SEC22C: variants seen among roughly 807,000 people sequenced by gnomAD.
SEC22C encodes the protein SEC22 homolog C, vesicle trafficking protein, also known as vesicle-trafficking protein SEC22c.
A neutral mutation model predicts 34.7 loss-of-function variants in SEC22C; 29 were observed. The observed-to-expected ratio is 0.84, with a 90% confidence interval of 0.62 to 1.14. The LOEUF (loss-of-function observed/expected upper bound fraction) is 1.14. Among genes scored for constraint, SEC22C ranks in the 50% most tolerant of loss-of-function variants. The pLI, the probability that SEC22C is intolerant of heterozygous loss-of-function variation, is 0.00. For synonymous variants in SEC22C, 117 were observed against 132.8 expected (o/e 0.88, Z 0.82); for missense variants, 337 against 369.0 (o/e 0.91, Z 0.71).
At position 42,598,937 on chromosome 3, in the gene SEC22C, CTAGATATCTGTAGATCTATAGATCTA is replaced by C. The variant is rs548206736; in HGVS notation, c.-28+1997_-28+2022del. On this transcript the variant is annotated intron_variant, in intron 1 of 6. Transcript: ENST00000417572. The stretch of plus-strand genomic sequence containing the variant: ...TATATATCTATAGATCTATAGATAT[CTAGATATCTGTAGATCTATAGATCTA>C]TAGATAGATTTTTTTTGTTTGAGAC... Among the ~76,000 whole-genome samples the C allele has an allele frequency of 2.9e-3, 426 of 145,798 alleles. 6 individuals carry two copies. The highest frequency in any genetic ancestry group is 0.01 in the African/African-American group (402 of 38,912).
rs1395372683 is a variant in SEC22C at position 42,558,728 on chromosome 3, G to T, written c.527-1032C>A. 4.6e-5 allele frequency among the ~76,000 whole-genome samples: 7 copies of T among 152,200 alleles called. No homozygotes were observed. In the East Asian group the frequency reaches 9.7e-4, roughly 21 times the overall value. Reference sequence around the variant, plus strand: ...GATAGCTTGAGCCCTGGAGGTGGAGGTTGCAGTAAGCCAAGATTGCACCAT... The same window carrying T: ...GATAGCTTGAGCCCTGGAGGTGGAGTTTGCAGTAAGCCAAGATTGCACCAT... On this transcript the variant is annotated intron_variant, in intron 4 of 6. Coordinates refer to ENST00000264454, the MANE Select transcript of SEC22C (RefSeq NM_032970.4).
chr3:42,567,673 G>A (rs1703334099), intron 2 of SEC22C, among the ~76,000 whole-genome samples: 1 of 152,094 alleles, frequency 6.6e-6, no homozygotes, highest in Non-Finnish European at 1.5e-5. Context: ...CTGTATTATA[G>A]TTAGTTATAT....
chr3:42,590,882 C>G (rs1278524440), intron 1 of SEC22C: 9 of 1,584,724 alleles, frequency 5.7e-6, no homozygotes, highest in African/African-American at 2.7e-5. Context: ...GGTCGTGGTT[C>G]CGGAGGTTCC....
At chr3:42,553,918 G>A (rs775850736) in intron 6 of SEC22C, among the ~76,000 whole-genome samples, 10 of 152,084 alleles carry the variant, frequency 6.6e-5, no homozygotes, top group Non-Finnish European at 1.3e-4. Context: ...CGACTACATT[G>A]AGCACCACTC....
At chr3:42,590,810 C>T in intron 1 of SEC22C, 4 of 1,349,712 alleles carry the variant, frequency 3.0e-6, no homozygotes, top group Admixed American at 3.4e-5. Flanking sequence ...GCCCTGTAGG[C>T]GGGAGCATCC....
intron 1 of SEC22C, among the ~76,000 whole-genome samples, chr3:42,599,611 G>C (rs1408615385): frequency 1.3e-5 from 2 of 150,554 alleles, no homozygotes; most frequent in African/African-American, 4.9e-5. Flanking sequence ...AGAATGGCGT[G>C]AACCCGGGAG....
At chr3:42,578,592 C>T (rs901841491) in intron 1 of SEC22C, among the ~76,000 whole-genome samples, 4 of 151,604 alleles carry the variant, frequency 2.6e-5, no homozygotes, top group African/African-American at 4.9e-5. Flanking sequence ...CATCAATTTC[C>T]TGGAGTTGCT....
chr3:42,554,196 A>G (rs1276776064), intron 6 of SEC22C, among the ~76,000 whole-genome samples: 1 of 152,172 alleles, frequency 6.6e-6, no homozygotes, highest in African/African-American at 2.4e-5. Flanking sequence ...ACACAGTTGA[A>G]GGAATGAGGT....
At chr3:42,577,708 G>A (rs1468333854) in intron 1 of SEC22C, among the ~76,000 whole-genome samples, 1 of 152,184 alleles carries the variant, frequency 6.6e-6, no homozygotes, top group Non-Finnish European at 1.5e-5. Context: ...AGTGGCTCAT[G>A]CCTGTAATCC....
At chr3:42,565,288 G>C (rs947778699) in intron 2 of SEC22C, among the ~76,000 whole-genome samples, 1 of 152,114 alleles carries the variant, frequency 6.6e-6, no homozygotes, top group Admixed American at 6.5e-5. Flanking sequence ...CAGCAGGACG[G>C]TTTTTAGGTT....
intron 3 of SEC22C, 24 bp from the exon 4 acceptor site, chr3:42,561,320 T>C (rs760899037): frequency 1.2e-6 from 2 of 1,609,852 alleles, no homozygotes; most frequent in South Asian, 2.2e-5. Context: ...GCAACACAAG[T>C]TAAGCATTTT....
At chr3:42,590,709 A>G (rs749339870) in intron 1 of SEC22C, 4 of 657,930 alleles carry the variant, frequency 6.1e-6, no homozygotes, top group African/African-American at 1.8e-5. Flanking sequence ...GGATACGAAA[A>G]CGCCCCCGGC....
chr3:42,568,788 A>C (rs1252338703), intron 2 of SEC22C, 77 bp downstream of exon 2: 3 of 1,204,812 alleles, frequency 2.5e-6, no homozygotes, highest in Non-Finnish European at 2.4e-6. Context: ...TGTGATCAGC[A>C]TAAGATTATC....
At chr3:42,582,775 A>C (rs1280627405), upstream of SEC22C, among the ~76,000 whole-genome samples, 4 of 152,208 alleles carry the variant, frequency 2.6e-5, no homozygotes, top group Non-Finnish European at 5.9e-5. Flanking sequence ...GGGGAGAGGA[A>C]GTGTGTTTCA....
intron 6 of SEC22C, among the ~76,000 whole-genome samples, chr3:42,553,802 G>A (rs1022830539): frequency 1.4e-4 from 21 of 152,210 alleles, no homozygotes; most frequent in Non-Finnish European, 1.9e-4. Context: ...GGACCCTAAC[G>A]TGACTGACTG....
At chr3:42,555,189 C>A (rs918383300) in intron 6 of SEC22C, among the ~76,000 whole-genome samples, 1 of 151,352 alleles carries the variant, frequency 6.6e-6, no homozygotes, top group Admixed American at 6.6e-5. Flanking sequence ...ACTAAAAGTA[C>A]AAAAAAAATT....
intron 4 of SEC22C, among the ~76,000 whole-genome samples, chr3:42,560,841 T>C (rs1325573191): frequency 6.6e-6 from 1 of 152,022 alleles, no homozygotes; most frequent in Non-Finnish European, 1.5e-5. Flanking sequence ...GGTTTTGCCA[T>C]GTTGCCCAGG....
intron 1 of SEC22C, among the ~76,000 whole-genome samples, chr3:42,598,593 T>G (rs1214391755): frequency 6.6e-6 from 1 of 151,648 alleles, no homozygotes; most frequent in Non-Finnish European, 1.5e-5. Context: ...CCTCCCAGAG[T>G]GCAGGGATTA....
rs138862248 is a variant in SEC22C, at chr3:42,550,694, C to T, written c.*2554G>A. The T allele has an allele frequency of 7.1e-5, 70 of 985,120 alleles. No homozygotes were observed. The African/African-American group carries it at 8.6e-4, about 12-fold the overall frequency. 61.0% of individuals were successfully genotyped at this position (985,120 alleles called of 1,614,324 possible). A position where few individuals can be genotyped will look rare whatever the true frequency, so the allele number is the denominator to read the frequency against. ...GTGGATAACATCTCTGGTAGTGCCT[C>T]GGTGGTCAGGAAGCATTACCAGGAA... On this transcript the variant is annotated 3_prime_UTR_variant, in exon 7 of 7. Coordinates refer to ENST00000264454, the MANE Select transcript of SEC22C (RefSeq NM_032970.4).
Sources: gnomAD v4.1 joint callset for allele counts (sites outside exome capture counted in the v4.1 genomes callset) on GRCh38, gnomAD v4.1.1 for gene constraint, MANE v1.5 for transcripts, NCBI Gene and HGNC (gene_info 2026-07-23, HGNC 2026-07-21) for gene names.